The following PCSK1 variants were observed in gnomAD, a reference collection of about 807,000 sequenced individuals.
PCSK1 encodes proprotein convertase subtilisin/kexin type 1, also known as neuroendocrine convertase 1.
A neutral mutation model predicts 90.6 loss-of-function variants in PCSK1; 56 were observed. That is an observed-to-expected ratio of 0.62 (90% CI 0.50 to 0.77). The LOEUF (loss-of-function observed/expected upper bound fraction) is 0.77, where lower values mean the gene tolerates loss of function less well. Ranked by LOEUF, PCSK1 falls within the 30% of genes least tolerant of loss-of-function variation. The pLI is 0.00. For missense variants in PCSK1, 801 were observed against 932.6 expected (o/e 0.86, Z 1.84); for synonymous variants, 348 against 342.4 (o/e 1.02, Z -0.18).
At chr5:96,432,690 G>GC (rs1761543832) in intron 1 of PCSK1, among the ~76,000 whole-genome samples, 173 bp downstream of exon 1, 1 of 152,150 alleles carries the variant, frequency 6.6e-6, no homozygotes, top group African/African-American at 2.4e-5. Flanking sequence ...AGTAAATAAT[G>GC]CAAGCTTTCT....
At chr5:96,402,979 C>T (rs1470396242) in intron 9 of PCSK1, among the ~76,000 whole-genome samples, 3 of 152,106 alleles carry the variant, frequency 2.0e-5, no homozygotes, top group Non-Finnish European at 4.4e-5. Context: ...AGGTAAAAGC[C>T]TCTTATCAAG....
Position 96,423,390 on chromosome 5 carries a change from T to C in PCSK1, c.466A>G (p.Ile156Val). 6.2e-7 allele frequency: 1 copy of C among 1,614,078 alleles called. No homozygotes were observed. Among genetic ancestry groups the C allele is most frequent in the Non-Finnish European group, 8.5e-7 (1 of 1,179,942 alleles). ...LHVIPVWQKGITGKGVVITVL... is the reference protein window; with the variant it reads ...LHVIPVWQKGVTGKGVVITVL... ...GTGATAACAACTCCTTTGCCCGTAA[T>C]GCCTTTTTGCCAAACAGGTATCACA... The change falls in exon 4 of 14, where the codon ATT (isoleucine) becomes GTT (valine). Residue 156 changes from isoleucine (I) to valine (V), a missense_variant. Ile to Val is a conservative substitution (Grantham distance 29). Coordinates refer to ENST00000311106, the MANE Select transcript of PCSK1 (RefSeq NM_000439.5).
chr5:96,421,150 G>A (rs79480228), intron 5 of PCSK1, among the ~76,000 whole-genome samples: 1,985 of 152,344 alleles, frequency 0.013, 43 homozygotes, highest in African/African-American at 0.045. Flanking sequence ...GAGAGAAGTT[G>A]AAAGTCTCTT....
chr5:96,408,681 G>C (rs774255723), intron 8 of PCSK1, among the ~76,000 whole-genome samples: 30 of 152,206 alleles, frequency 2.0e-4, no homozygotes, highest in Non-Finnish European at 4.0e-4. Context: ...GGTCCATTGT[G>C]TTTGGTCTGG....
intron 2 of PCSK1, 46 bp downstream of exon 2, chr5:96,429,167 C>G (rs778664712): frequency 2.1e-6 from 2 of 948,018 alleles, no homozygotes; most frequent in Non-Finnish European, 3.4e-6. Context: ...ATAAAGAAAG[C>G]AGATAAGCTA....
chr5:96,432,983 A>G lies in PCSK1; in HGVS notation c.60T>C (p.Cys20=). The change falls in exon 1 of 14, where the codon TGT becomes TGC. Residue 20 remains cysteine (C), a synonymous_variant. Coordinates refer to ENST00000311106, the MANE Select transcript of PCSK1 (RefSeq NM_000439.5). ...TTTTCGCTTTTGCACTGTTCAGTGC[A>G]CACCAAGCGCAAAAGAGGACGAAAG... ...CTAFVLFCAW[C]ALNSAKAKRQ... The G allele has an allele frequency of 6.2e-7, 1 of 1,614,224 alleles. No individual in the cohort carries two copies. Among genetic ancestry groups the G allele is most frequent in the Non-Finnish European group, 8.5e-7 (1 of 1,180,026 alleles).
chr5:96,429,259 C>G lies in PCSK1; in HGVS notation c.239G>C (p.Arg80Pro). Residue 80 changes from arginine (R) to proline (P), a missense_variant, in exon 2 of 14, where the codon CGA (arginine) becomes CCA (proline). Transcript: ENST00000311106. ...FKHKNHPRRS[R>P]RSAFHITKRL... ...CTTAGTGATATGAAAGGCACTCCTT[C>G]GAGACCTTCTGGGGTGGTTTTTATG... is the stretch of plus-strand genomic sequence containing the variant. 1 of 1,604,624 alleles carries G rather than the reference C, an allele frequency of 6.2e-7. No homozygotes were observed. The highest frequency in any genetic ancestry group is 2.2e-5 in the East Asian group (1 of 44,760).
chr5:96,425,994 A>G, intron 2 of PCSK1, 64 bp from the exon 3 acceptor site: 1 of 893,148 alleles, frequency 1.1e-6, no homozygotes, highest in South Asian at 1.4e-5. Flanking sequence ...ACTTCCTCTA[A>G]CTATCTCCAG....
intron 6 of PCSK1, among the ~76,000 whole-genome samples, chr5:96,413,690 C>G (rs557655426): frequency 6.1e-4 from 92 of 151,094 alleles, no homozygotes; most frequent in Non-Finnish European, 1.1e-3. Context: ...ATCCCAGCTA[C>G]TCAGGAGGCT....
At chr5:96,397,117 T>A (rs1374029412) in intron 12 of PCSK1, among the ~76,000 whole-genome samples, 1 of 152,186 alleles carries the variant, frequency 6.6e-6, no homozygotes, top group Admixed American at 6.5e-5. Flanking sequence ...TATAAGTGTT[T>A]TTCCCCCTCT....
intron 3 of PCSK1, among the ~76,000 whole-genome samples, chr5:96,424,757 G>A (rs1351405178): frequency 6.6e-6 from 1 of 152,120 alleles, no homozygotes. Flanking sequence ...GAGGTCAGGA[G>A]TTCGAGACCA....
At chr5:96,424,660 ATACT>A (rs1277112986) in intron 3 of PCSK1, among the ~76,000 whole-genome samples, 41 of 152,156 alleles carry the variant, frequency 2.7e-4, no homozygotes, top group African/African-American at 9.9e-4. Context: ...CAATGAGCAA[ATACT>A]TAAGATAGTG....
chr5:96,421,870 AT>A lies in PCSK1; in HGVS notation c.620+9del. The A allele has an allele frequency of 7.1e-7, 1 of 1,409,842 alleles. No individual in the cohort carries two copies. The highest frequency in any genetic ancestry group is 1.0e-6 in the Non-Finnish European group (1 of 994,344). The allele number at this position is 1,409,842 out of a possible 1,614,324, so 87.3% of individuals were successfully genotyped here. ...AGTACTTTATTTCACACAAATGCAT[AT>A]TTACTCACTTGTTCTCGTTTGTGGG... On this transcript the variant is annotated intron_variant, in intron 5 of 13. Transcript: ENST00000311106.
Position 96,433,199 on chromosome 5 carries a change from G to A in PCSK1, c.-157C>T, listed in dbSNP as rs376776778. On this transcript the variant is annotated 5_prime_UTR_variant, in exon 1 of 14. Coordinates refer to ENST00000311106, the MANE Select transcript of PCSK1 (RefSeq NM_000439.5). ...AGAGCTAGGAGGCGCGAGAGGAGAG[G>A]CTGGGCGGCGGCGAGCGCTCAGTGA... 222 of 724,362 alleles carry A rather than the reference G, an allele frequency of 3.1e-4. No individual in the cohort carries two copies. The African/African-American group carries it at 3.3e-3, about 11-fold the overall frequency. The allele number at this position is 724,362 out of a possible 1,614,324, so 44.9% of individuals were successfully genotyped here.
intron 1 of PCSK1, chr5:96,432,251 C>A: frequency 1.2e-6 from 1 of 837,648 alleles, no homozygotes; most frequent in South Asian, 1.7e-5. Context: ...CCGTGTCTTT[C>A]ACCCACCATT....
At chr5:96,411,286 C>A (rs1324276338) in intron 7 of PCSK1, among the ~76,000 whole-genome samples, 1 of 152,198 alleles carries the variant, frequency 6.6e-6, no homozygotes, top group African/African-American at 2.4e-5. Context: ...TTTTTCCACC[C>A]TTCTCTTAGT....
intron 3 of PCSK1, among the ~76,000 whole-genome samples, chr5:96,425,060 GAAAGAAAGA>G (rs1561376495): frequency 2.4e-5 from 3 of 126,612 alleles, no homozygotes; most frequent in Admixed American, 2.3e-4. Context: ...AAGAAAGAAA[GAAAGAAAGA>G]AAGAAAACGT....
At position 96,425,798 on chromosome 5, in the gene PCSK1, T is replaced by C. The variant is rs74620063; in HGVS notation, c.396+22A>G. On this transcript the variant is annotated intron_variant, in intron 3 of 13. Coordinates refer to ENST00000311106, the MANE Select transcript of PCSK1 (RefSeq NM_000439.5). Reference sequence around the variant, plus strand: ...AGCCAGGTCCCAGGTCCCACCCACATAGTCCTTCTGTAGGTACTTACCAAG... The same window carrying C: ...AGCCAGGTCCCAGGTCCCACCCACACAGTCCTTCTGTAGGTACTTACCAAG... 6,780 of 1,292,540 alleles carry C rather than the reference T, an allele frequency of 5.2e-3. 275 individuals are homozygous for C. In the African/African-American group the frequency reaches 0.087, roughly 17 times the overall value. 80.1% of individuals were successfully genotyped at this position (1,292,540 alleles called of 1,614,324 possible). A position where few individuals can be genotyped will look rare whatever the true frequency, so the allele number is the denominator to read the frequency against.
In PCSK1 at chr5:96,392,879, A is replaced by T. The variant is rs1481686289; in HGVS notation, c.*122T>A. On this transcript the variant is annotated 3_prime_UTR_variant, in exon 14 of 14. Coordinates refer to ENST00000311106, the MANE Select transcript of PCSK1 (RefSeq NM_000439.5). ...TGTACAGTTTAGGGAGAAAAAGAAAAGGTGCCACAAAGGATATTATAAGCA... is the reference window on the plus strand; with the variant it reads ...TGTACAGTTTAGGGAGAAAAAGAAATGGTGCCACAAAGGATATTATAAGCA... 1.0e-6 allele frequency: 1 copy of T among 986,990 alleles called. No homozygotes were observed. The allele number at this position is 986,990 out of a possible 1,614,324, so 61.1% of individuals were successfully genotyped here. A position where few individuals can be genotyped will look rare whatever the true frequency, so the allele number is the denominator to read the frequency against.
Sources: allele counts gnomAD v4.1 joint callset (sites outside exome capture counted in the v4.1 genomes callset), GRCh38; gene constraint gnomAD v4.1.1; transcripts MANE v1.5; gene names NCBI Gene and HGNC (gene_info 2026-07-23, HGNC 2026-07-21).